SYT17: variants seen among roughly 807,000 people sequenced by gnomAD.
SYT17 encodes the protein synaptotagmin 17.
SYT17 carries 22 observed loss-of-function variants against 46.7 expected under a neutral mutation model. That is an observed-to-expected ratio of 0.47 (90% CI 0.34 to 0.67). SYT17 has a LOEUF of 0.67. SYT17 is among the 30% of genes least tolerant of loss of function. SYT17 has a pLI of 0.01. For missense variants in SYT17, 519 were observed against 612.8 expected (o/e 0.85, Z 1.62); for synonymous variants, 251 against 248.4 (o/e 1.01, Z -0.10).
intron 5 of SYT17, among the ~76,000 whole-genome samples, chr16:19,189,183 T>G (rs1179797978): frequency 6.6e-6 from 1 of 152,044 alleles, no homozygotes; most frequent in East Asian, 1.9e-4. Flanking sequence ...ACGTCTTTTC[T>G]CTTCTTATAA....
intron 5 of SYT17, among the ~76,000 whole-genome samples, chr16:19,222,621 TG>T (rs1166032053): frequency 6.6e-6 from 1 of 152,208 alleles, no homozygotes; most frequent in Non-Finnish European, 1.5e-5. Flanking sequence ...TCAGCCTCCC[TG>T]GGTTTAAGTA....
intron 7 of SYT17, among the ~76,000 whole-genome samples, chr16:19,255,514 C>T (rs1338396795): frequency 3.3e-5 from 5 of 152,028 alleles, no homozygotes; most frequent in East Asian, 1.9e-4. Context: ...AGGCCAGGCA[C>T]GGTGGCTCAC....
chr16:19,249,442 T>A (rs1254124439), intron 7 of SYT17, among the ~76,000 whole-genome samples: 1 of 152,194 alleles, frequency 6.6e-6, no homozygotes, highest in Non-Finnish European at 1.5e-5. Flanking sequence ...AGCTATATCT[T>A]GATTATCTAT....
intron 5 of SYT17, among the ~76,000 whole-genome samples, chr16:19,207,607 GA>G (rs1484566456): frequency 6.6e-6 from 1 of 152,106 alleles, no homozygotes; most frequent in East Asian, 1.9e-4. Flanking sequence ...ACCAAAGGGG[GA>G]AATCCACCTC....
chr16:19,178,243 C>A (rs569989248), intron 3 of SYT17, among the ~76,000 whole-genome samples: 2 of 132,216 alleles, frequency 1.5e-5, no homozygotes, highest in Non-Finnish European at 3.4e-5. Context: ...CCACCACGCC[C>A]GGCTAATTTT....
At chr16:19,214,059 G>C (rs1966001220) in intron 5 of SYT17, among the ~76,000 whole-genome samples, 1 of 152,148 alleles carries the variant, frequency 6.6e-6, no homozygotes. Context: ...CTACCCACTA[G>C]ATGCCAGTAG....
chr16:19,226,056 G>T (rs940448780), intron 7 of SYT17, among the ~76,000 whole-genome samples: 5 of 152,106 alleles, frequency 3.3e-5, no homozygotes, highest in African/African-American at 9.7e-5. Context: ...TCTTTCTTGT[G>T]TTCTAATTAC....
chr16:19,177,342 G>A (rs1964354367), intron 3 of SYT17, among the ~76,000 whole-genome samples: 1 of 152,186 alleles, frequency 6.6e-6, no homozygotes, highest in African/African-American at 2.4e-5. Flanking sequence ...TGACCTTTGT[G>A]CTTCCCAGGA....
chr16:19,182,707 G>A, intron 4 of SYT17, among the ~76,000 whole-genome samples: 1 of 152,248 alleles, frequency 6.6e-6, no homozygotes, highest in East Asian at 1.9e-4. Context: ...CTAGAAGAGA[G>A]GGATGTGCAA....
intron 7 of SYT17, among the ~76,000 whole-genome samples, chr16:19,252,962 T>G (rs983878917): frequency 6.6e-6 from 1 of 152,214 alleles, no homozygotes; most frequent in African/African-American, 2.4e-5. Context: ...CAAGAGTTTC[T>G]GATTCAGTAT....
At chr16:19,205,543 G>A (rs1185621320) in intron 5 of SYT17, among the ~76,000 whole-genome samples, 3 of 151,918 alleles carry the variant, frequency 2.0e-5, no homozygotes, top group African/African-American at 7.3e-5. Flanking sequence ...AGGTTAAAGT[G>A]ATTCTCGTGC....
chr16:19,254,612 G>A (rs2142998525), intron 7 of SYT17, among the ~76,000 whole-genome samples: 1 of 152,306 alleles, frequency 6.6e-6, no homozygotes, highest in East Asian at 1.9e-4. Context: ...ACCTTCTGCA[G>A]GCCTTACCTC....
intron 7 of SYT17, among the ~76,000 whole-genome samples, chr16:19,232,243 A>G (rs1966725879): frequency 7.0e-6 from 1 of 142,284 alleles, no homozygotes; most frequent in Admixed American, 6.8e-5. Flanking sequence ...TACACAGAAA[A>G]GAAACAAGGC....
At chr16:19,174,331 G>A (rs1287075869) in intron 3 of SYT17, among the ~76,000 whole-genome samples, 2 of 152,168 alleles carry the variant, frequency 1.3e-5, no homozygotes, top group Non-Finnish European at 2.9e-5. Flanking sequence ...GAGAGCCTGG[G>A]TACAGTCAAG....
At chr16:19,232,955 T>C (rs1966759034) in intron 7 of SYT17, among the ~76,000 whole-genome samples, 3 of 152,078 alleles carry the variant, frequency 2.0e-5, no homozygotes, top group African/African-American at 7.3e-5. Flanking sequence ...TTAAAAAAAC[T>C]CTGATGCCCC....
intron 5 of SYT17, among the ~76,000 whole-genome samples, chr16:19,197,133 A>T (rs752810711): frequency 2.6e-5 from 4 of 152,034 alleles, no homozygotes; most frequent in Non-Finnish European, 5.9e-5. Context: ...GTCAGCCTTG[A>T]CCCTCTCCGT....
At chr16:19,210,362 C>T (rs1965849374) in intron 5 of SYT17, among the ~76,000 whole-genome samples, 5 of 152,114 alleles carry the variant, frequency 3.3e-5, no homozygotes, top group African/African-American at 9.7e-5. Flanking sequence ...TCACCGTGCC[C>T]AGCCCCAAAC....
intron 5 of SYT17, among the ~76,000 whole-genome samples, chr16:19,207,706 C>T (rs938828414): frequency 3.3e-5 from 5 of 152,056 alleles, no homozygotes; most frequent in African/African-American, 4.8e-5. Flanking sequence ...CTCACAGCTT[C>T]GTGGAGCAGA....
intron 7 of SYT17, among the ~76,000 whole-genome samples, chr16:19,225,566 G>C (rs1171804653): frequency 6.6e-6 from 1 of 152,208 alleles, no homozygotes; most frequent in Non-Finnish European, 1.5e-5. Flanking sequence ...GTATAGTTCT[G>C]TGTGAATACC....
Sources: allele counts gnomAD v4.1 joint callset (sites outside exome capture counted in the v4.1 genomes callset), GRCh38; gene constraint gnomAD v4.1.1; transcripts MANE v1.5; gene names NCBI Gene and HGNC (gene_info 2026-07-23, HGNC 2026-07-21).